The following HSPA2 variants were observed in gnomAD, a reference collection of about 807,000 sequenced individuals.
HSPA2 encodes heat shock-related 70 kDa protein 2.
Under a neutral mutation model 35.0 loss-of-function variants are expected in HSPA2, and 13 were observed. That is an observed-to-expected ratio of 0.37 (90% confidence interval 0.24 to 0.59). The LOEUF is 0.59. HSPA2 is among the 20% of genes least tolerant of loss of function. HSPA2 has a pLI of 0.70. For missense variants in HSPA2, 565 were observed against 885.4 expected (o/e 0.64, Z 4.59); for synonymous variants, 368 against 382.1 (o/e 0.96, Z 0.43).
In HSPA2 at chr14:64,540,879, C is replaced by A. The variant is rs1056295104; in HGVS notation, c.30C>A (p.Ile10=). The A allele has an allele frequency of 1.9e-6, 3 of 1,614,028 alleles. No individual in the cohort carries two copies. The highest frequency in any genetic ancestry group is 2.7e-5 in the African/African-American group (2 of 74,928). Residue 10 remains isoleucine, a synonymous_variant, in exon 1 of 1, where the codon ATC becomes ATA. Coordinates refer to ENST00000247207, the MANE Select transcript of HSPA2 (RefSeq NM_021979.4). ...CTGCCCGTGGCCCGGCTATCGGCAT[C>A]GACCTGGGCACCACCTATTCGTGCG... is the stretch of plus-strand genomic sequence containing the variant. The part of the protein sequence containing the change: MSARGPAIG[I]DLGTTYSCVG...
chr14:64,541,255 C>G lies in HSPA2; in HGVS notation c.406C>G (p.Leu136Val), dbSNP rs375630421. The G allele has an allele frequency of 3.4e-5, 55 of 1,613,902 alleles. No individual in the cohort carries two copies. The highest frequency in any genetic ancestry group is 4.5e-5 in the Non-Finnish European group (53 of 1,180,040). Residue 136 changes from leucine to valine, a missense_variant, in exon 1 of 1, where the codon CTG becomes GTG. By Grantham distance (32) the Leu-to-Val change is conservative (BLOSUM62 1). Coordinates refer to ENST00000247207, the MANE Select transcript of HSPA2 (RefSeq NM_021979.4). ...GATGAAGGAGATCGCGGAAGCCTAC[C>G]TGGGGGGCAAGGTGCACAGCGCGGT... ...TKMKEIAEAY[L>V]GGKVHSAVIT... is the part of the protein sequence containing the mutation.
upstream of HSPA2, among the ~76,000 whole-genome samples, chr14:64,539,734 T>A (rs966546792): frequency 4.6e-5 from 7 of 151,662 alleles, no homozygotes; most frequent in African/African-American, 1.7e-4. Context: ...CAGGCTGGAG[T>A]GTAGTGGCGT....
At chr14:64,540,434 A>C, upstream of HSPA2, 1 of 242,772 alleles carries the variant, frequency 4.1e-6, no homozygotes, top group Non-Finnish European at 8.1e-6. Flanking sequence ...AAAAGCGCGT[A>C]CACCTGGCTC....
At position 64,541,758 on chromosome 14, in the gene HSPA2, C is replaced by T; in HGVS notation, c.909C>T (p.Ala303=). 1.9e-6 allele frequency: 3 copies of T among 1,612,708 alleles called. No individual in the cohort carries two copies. Among genetic ancestry groups the T allele is most frequent in the Non-Finnish European group, 2.5e-6 (3 of 1,179,784 alleles). ...GVDFYTSITR[A]RFEELNADLF... is the part of the protein sequence containing the mutation. ...ACTTCTATACGTCCATCACGCGCGC[C>T]CGCTTCGAGGAGCTCAATGCCGACC... Residue 303 remains alanine (A), a synonymous_variant, in exon 1 of 1, where the codon GCC becomes GCT. Transcript: ENST00000247207.
chr14:64,540,810 C>A lies in HSPA2; in HGVS notation c.-40C>A, dbSNP rs2080022261. 6 of 1,605,842 alleles carry A rather than the reference C, an allele frequency of 3.7e-6. No homozygotes were observed. The highest frequency in any genetic ancestry group is 5.1e-6 in the Non-Finnish European group (6 of 1,174,838). Reference sequence around the variant, plus strand: ...AGTTGACTCCGCGGAGTTCATCTCCCTGGTTTTCCCGTCCTAACGTCGCTC... The same window carrying A: ...AGTTGACTCCGCGGAGTTCATCTCCATGGTTTTCCCGTCCTAACGTCGCTC... On this transcript the variant is annotated 5_prime_UTR_variant, in exon 1 of 1. In the 5' UTR this introduces an upstream ATG that the reference lacks. Transcript: ENST00000247207.
chr14:64,542,420 A>G lies in HSPA2; in HGVS notation c.1571A>G (p.Glu524Gly). 6.2e-7 allele frequency: 1 copy of G among 1,613,844 alleles called. No homozygotes were observed. The highest frequency in any genetic ancestry group is 1.3e-5 in the African/African-American group (1 of 75,002). ...SKDDIDRMVQ[E>G]AERYKSEDEA... Reference sequence around the variant, plus strand: ...GACGACATTGACCGGATGGTGCAGGAGGCGGAGCGGTACAAATCGGAAGAT... The same window carrying G: ...GACGACATTGACCGGATGGTGCAGGGGGCGGAGCGGTACAAATCGGAAGAT... The change falls in exon 1 of 1, where the codon GAG becomes GGG. Residue 524 changes from glutamate (E) to glycine (G), a missense_variant. Glu to Gly is a moderately conservative substitution (Grantham distance 98). Coordinates refer to ENST00000247207, the MANE Select transcript of HSPA2 (RefSeq NM_021979.4). The surrounding 1 kb of genome is among the most constrained non-coding windows in gnomAD (Gnocchi z 5.7).
chr14:64,540,861 T>C lies in HSPA2; in HGVS notation c.12T>C (p.Arg4=). 1 of 1,614,110 alleles carries C rather than the reference T, an allele frequency of 6.2e-7. No individual in the cohort carries two copies. Among genetic ancestry groups the C allele is most frequent in the Non-Finnish European group, 8.5e-7 (1 of 1,180,018 alleles). Residue 4 remains arginine (R), a synonymous_variant, in exon 1 of 1, where the codon CGT becomes CGC. Transcript: ENST00000247207. MSA[R]GPAIGIDLGT... ...GCCTTTCAGTCAGGATGTCTGCCCGTGGCCCGGCTATCGGCATCGACCTGG... is the reference window on the plus strand; with the variant it reads ...GCCTTTCAGTCAGGATGTCTGCCCGCGGCCCGGCTATCGGCATCGACCTGG...
In HSPA2 at chr14:64,541,037, AC is replaced by A; in HGVS notation, c.192del (p.Thr65ProfsTer10). 1 of 1,614,112 alleles carries A rather than the reference AC, an allele frequency of 6.2e-7. No homozygotes were observed. The highest frequency in any genetic ancestry group is 8.5e-7 in the Non-Finnish European group (1 of 1,180,024). On this transcript the variant is annotated frameshift_variant, in exon 1 of 1. Transcript: ENST00000247207. LOFTEE classifies it high-confidence loss of function. ...GDAAKNQVAM[N>X]PTNTIFDAKR... ...GCCGCCAAGAACCAGGTGGCCATGA[AC>A]CCCACCAACACCATCTTCGACGCCA...
upstream of HSPA2, chr14:64,540,309 C>T (rs1362516964): frequency 5.6e-6 from 1 of 178,376 alleles, no homozygotes; most frequent in Non-Finnish European, 1.2e-5. Context: ...CCCAGTGGCT[C>T]TCCTCACCGG....
At position 64,542,958 on chromosome 14, in the gene HSPA2, A is replaced by G. The variant is rs2080044814; in HGVS notation, c.*189A>G. 17 of 1,019,596 alleles carry G rather than the reference A, an allele frequency of 1.7e-5. No homozygotes were observed. In the South Asian group the frequency reaches 2.8e-4, roughly 17 times the overall value. The allele number at this position is 1,019,596 out of a possible 1,614,324, so 63.2% of individuals were successfully genotyped here. A position where few individuals can be genotyped will look rare whatever the true frequency, so the allele number is the denominator to read the frequency against. On this transcript the variant is annotated 3_prime_UTR_variant, in exon 1 of 1. Transcript: ENST00000247207. The surrounding 1 kb of genome is among the most constrained non-coding windows in gnomAD (Gnocchi z 5.7). ...GTTCCAAAGTTTGTTTTTTAAAAAC[A>G]TTATTCGAGGTTTCTCTTTAATGCA... is the stretch of plus-strand genomic sequence containing the variant.
At position 64,541,057 on chromosome 14, in the gene HSPA2, G is replaced by T. The variant is rs1719137502; in HGVS notation, c.208G>T (p.Asp70Tyr). The change falls in exon 1 of 1, where the codon GAC becomes TAC. Residue 70 changes from aspartate to tyrosine, a missense_variant. Asp to Tyr is a radical substitution (Grantham distance 160, BLOSUM62 -3). Around this residue, in one of 4 missense-constraint regions of HSPA2, gnomAD observed 183 missense variants for 281.6 expected, o/e 0.65. Transcript: ENST00000247207. Reference sequence around the variant, plus strand: ...CATGAACCCCACCAACACCATCTTCGACGCCAAGAGGCTGATTGGACGGAA... The same window carrying T: ...CATGAACCCCACCAACACCATCTTCTACGCCAAGAGGCTGATTGGACGGAA... ...VAMNPTNTIF[D>Y]AKRLIGRKFE... 6.2e-7 allele frequency: 1 copy of T among 1,614,206 alleles called. No homozygotes were observed. The highest frequency in any genetic ancestry group is 8.5e-7 in the Non-Finnish European group (1 of 1,180,044).
rs749197869 is a variant in HSPA2 at position 64,542,817 on chromosome 14, T to TG, written c.*48_*49insG. 2 of 1,346,694 alleles carry TG rather than the reference T, an allele frequency of 1.5e-6. No homozygotes were observed. The highest frequency in any genetic ancestry group is 2.9e-5 in the South Asian group (2 of 70,088). The allele number at this position is 1,346,694 out of a possible 1,614,324, so 83.4% of individuals were successfully genotyped here. On this transcript the variant is annotated 3_prime_UTR_variant, in exon 1 of 1. Coordinates refer to ENST00000247207, the MANE Select transcript of HSPA2 (RefSeq NM_021979.4). The surrounding 1 kb of genome is among the most constrained non-coding windows in gnomAD (Gnocchi z 5.7). ...ACCTCTTTGCCTTTCTCTCTCTCTC[T>TG]TTTTTTTTGTTTGTTTCTTTGAAAT...
chr14:64,540,656 G>A (rs971301717), upstream of HSPA2: 1 of 782,668 alleles, frequency 1.3e-6, no homozygotes, highest in Non-Finnish European at 2.0e-6. Context: ...AGCTGGAAGA[G>A]TTTGTGAGGG....
upstream of HSPA2, among the ~76,000 whole-genome samples, chr14:64,539,017 G>A (rs550511970): frequency 6.6e-6 from 1 of 152,138 alleles, no homozygotes; most frequent in South Asian, 2.1e-4. Flanking sequence ...TGTTGGCCAG[G>A]CTGGCCTCGA....
chr14:64,542,529 A>G lies in HSPA2; in HGVS notation c.1680A>G (p.Lys560=), dbSNP rs753322559. 1 of 1,613,536 alleles carries G rather than the reference A, an allele frequency of 6.2e-7. No individual in the cohort carries two copies. Among genetic ancestry groups the G allele is most frequent in the Non-Finnish European group, 8.5e-7 (1 of 1,179,980 alleles). The change falls in exon 1 of 1, where the codon AAA becomes AAG. Residue 560 remains lysine (K), a synonymous_variant. Coordinates refer to ENST00000247207, the MANE Select transcript of HSPA2 (RefSeq NM_021979.4). The surrounding 1 kb of genome is among the most constrained non-coding windows in gnomAD (Gnocchi z 5.7). ...TCAAGCAGACGGTGGAAGACGAGAA[A>G]CTGAGGGGCAAGATTAGCGAGCAGG... The part of the protein sequence containing the change: ...YNIKQTVEDE[K]LRGKISEQDK...
Position 64,541,845 on chromosome 14 carries a change from C to A in HSPA2, c.996C>A (p.Gly332=). 6.2e-7 allele frequency: 1 copy of A among 1,613,658 alleles called. No individual in the cohort carries two copies. Among genetic ancestry groups the A allele is most frequent in the Non-Finnish European group, 8.5e-7 (1 of 1,180,034 alleles). The change falls in exon 1 of 1, where the codon GGC becomes GGA. Residue 332 remains glycine, a synonymous_variant. Transcript: ENST00000247207. ...TGCGCGACGCCAAGCTGGACAAGGG[C>A]CAGATCCAGGAGATCGTGCTGGTGG... ...KALRDAKLDK[G]QIQEIVLVGG...
upstream of HSPA2, among the ~76,000 whole-genome samples, chr14:64,537,618 CAA>C (rs1566641356): frequency 6.6e-6 from 1 of 151,286 alleles, no homozygotes; most frequent in African/African-American, 2.4e-5. Context: ...CCAAACTACA[CAA>C]AAGACAAGAA....
upstream of HSPA2, among the ~76,000 whole-genome samples, chr14:64,539,312 T>C (rs1305644179): frequency 6.6e-6 from 1 of 152,050 alleles, no homozygotes; most frequent in African/African-American, 2.4e-5. Context: ...GTCAGAAACA[T>C]GACTAGGTCA....
chr14:64,540,355 C>G (rs973403659), upstream of HSPA2: 1 of 188,948 alleles, frequency 5.3e-6, no homozygotes, highest in Admixed American at 5.3e-5. Flanking sequence ...TGCCGCGCCT[C>G]AGTCCGCACT....
Sources: allele counts gnomAD v4.1 joint callset (sites outside exome capture counted in the v4.1 genomes callset), GRCh38; gene constraint gnomAD v4.1.1; regional missense constraint gnomAD v4.1.1; non-coding constraint Gnocchi (gnomAD v3.1); transcripts MANE v1.5; gene names NCBI Gene and HGNC (gene_info 2026-07-23, HGNC 2026-07-21).